CEACAM16: variants seen among roughly 807,000 people sequenced by gnomAD.
CEACAM16 encodes the protein cell adhesion molecule CEACAM16.
CEACAM16 carries 30 observed loss-of-function variants against 39.4 expected under a neutral mutation model. That is an observed-to-expected ratio of 0.76 (90% confidence interval 0.57 to 1.03). CEACAM16 has a LOEUF of 1.03. CEACAM16 is among the 50% of genes least tolerant of loss of function. CEACAM16 has a pLI of 0.00. For synonymous variants in CEACAM16, 262 were observed against 264.9 expected (o/e 0.99, Z 0.11); for missense variants, 521 against 585.3 (o/e 0.89, Z 1.13).
rs375934217 is a variant in CEACAM16 at position 44,705,626 on chromosome 19, C to T, written c.698C>T (p.Thr233Ile). Residue 233 changes from threonine (T) to isoleucine (I), a missense_variant, in exon 5 of 7, where the codon ACC becomes ATC. Thr to Ile is a moderately conservative substitution (Grantham distance 89). Transcript: ENST00000587331. ...PERVAILQDS[T>I]TRTGCTIKVD... is the part of the protein sequence containing the mutation. ...CGTGTGGCCATCCTCCAGGATTCCA[C>T]CACCCGCACAGGCTGCACCATCAAA... 6.2e-7 allele frequency: 1 copy of T among 1,609,568 alleles called. No homozygotes were observed. Among genetic ancestry groups the T allele is most frequent in the East Asian group, 2.2e-5 (1 of 44,776 alleles).
chr19:44,707,667 ACAGACCCCAG>A (rs1974470258), intron 5 of CEACAM16, among the ~76,000 whole-genome samples, 184 bp from the exon 6 acceptor site: 1 of 152,206 alleles, frequency 6.6e-6, no homozygotes, highest in South Asian at 2.1e-4. Flanking sequence ...TAGGGGAAAC[ACAGACCCCAG>A]CAGACACTAC....
Position 44,708,151 on chromosome 19 carries a change from A to G in CEACAM16, c.1231A>G (p.Lys411Glu), listed in dbSNP as rs1974481464. The change falls in exon 6 of 7, where the codon AAG becomes GAG. Residue 411 changes from lysine to glutamate, a missense_variant. Coordinates refer to ENST00000587331, the MANE Select transcript of CEACAM16 (RefSeq NM_001039213.4). Reference sequence around the variant, plus strand: ...ACTCAAGACTGTCACAGTGCAGGGCAAGACTGAGACACTGGAAGTGGAGCT... The same window carrying G: ...ACTCAAGACTGTCACAGTGCAGGGCGAGACTGAGACACTGGAAGTGGAGCT... Reference protein sequence around the residue: ...YTLKTVTVQGKTETLEVELQV... With the variant: ...YTLKTVTVQGETETLEVELQV... 2 of 1,592,270 alleles carry G rather than the reference A, an allele frequency of 1.3e-6. No individual in the cohort carries two copies. The highest frequency in any genetic ancestry group is 1.7e-6 in the Non-Finnish European group (2 of 1,165,244).
chr19:44,699,534 A>C lies in CEACAM16; in HGVS notation c.-97+274A>C, dbSNP rs567472107. ...TGGGATTACAGGTGCCCGCGACCAC[A>C]CCCAGCTAATTTTTGTATTTTTAGT... On this transcript the variant is annotated intron_variant, in intron 1 of 6. Transcript: ENST00000587331. 7.4e-6 allele frequency: 3 copies of C among 407,518 alleles called. No homozygotes were observed. The East Asian group carries it at 2.2e-4, about 29-fold the overall frequency. 25.2% of individuals were successfully genotyped at this position (407,518 alleles called of 1,614,324 possible). A position where few individuals can be genotyped will look rare whatever the true frequency, so the allele number is the denominator to read the frequency against.
chr19:44,707,140 G>C (rs982743394), intron 5 of CEACAM16, among the ~76,000 whole-genome samples: 6 of 152,286 alleles, frequency 3.9e-5, no homozygotes, highest in African/African-American at 1.4e-4. Context: ...TGGTCTCCAG[G>C]AGACATGGCC....
rs892724349 is a variant in CEACAM16 at position 44,701,151 on chromosome 19, G to A, written c.-96-210G>A. ...CCCCTACTTTTCCTCTCTTCTCCTC[G>A]GTGACCTGGTTCCTCTCCCAGTACC... On this transcript the variant is annotated intron_variant, in intron 1 of 6. Transcript: ENST00000587331. This position sits in a 1 kb window ranked among gnomAD's most constrained non-coding sequence, Gnocchi z 4.0. 2.0e-4 allele frequency among the ~76,000 whole-genome samples: 30 copies of A among 152,236 alleles called. No individual in the cohort carries two copies. Among genetic ancestry groups the A allele is most frequent in the African/African-American group, 3.6e-4 (15 of 41,538 alleles).
At position 44,708,173 on chromosome 19, in the gene CEACAM16, A is replaced by T; in HGVS notation, c.1253A>T (p.Glu418Val). The part of the protein sequence containing the change: ...VQGKTETLEV[E>V]LQVAPLG Reference sequence around the variant, plus strand: ...GGCAAGACTGAGACACTGGAAGTGGAGCTGCAGGTGGCCCGTGAGTGTGTG... The same window carrying T: ...GGCAAGACTGAGACACTGGAAGTGGTGCTGCAGGTGGCCCGTGAGTGTGTG... The change falls in exon 6 of 7, where the codon GAG becomes GTG. Residue 418 changes from glutamate to valine, a missense_variant. Glu to Val is a moderately radical substitution (Grantham distance 121). Coordinates refer to ENST00000587331, the MANE Select transcript of CEACAM16 (RefSeq NM_001039213.4). 1.9e-6 allele frequency: 3 copies of T among 1,573,862 alleles called. No individual in the cohort carries two copies. The highest frequency in any genetic ancestry group is 2.6e-6 in the Non-Finnish European group (3 of 1,152,448).
intron 4 of CEACAM16, among the ~76,000 whole-genome samples, chr19:44,705,206 A>G (rs1974422419): frequency 6.6e-6 from 1 of 152,172 alleles, no homozygotes; most frequent in Admixed American, 6.5e-5. Context: ...TTAGAAACAT[A>G]GATTTCTAGA....
chr19:44,699,344 A>G (rs1343514355), intron 1 of CEACAM16, 84 bp downstream of exon 1: 1 of 518,602 alleles, frequency 1.9e-6, no homozygotes, highest in East Asian at 5.5e-5. Context: ...CCTATTTTAC[A>G]AATAAGGAAA....
chr19:44,709,143 T>C (rs923749683), intron 6 of CEACAM16, among the ~76,000 whole-genome samples: 22 of 151,156 alleles, frequency 1.5e-4, no homozygotes, highest in African/African-American at 5.4e-4. Context: ...AGAGACCACG[T>C]CTCCTTCATC....
intron 3 of CEACAM16, 25 bp from the exon 4 acceptor site, chr19:44,703,993 C>T (rs1974396561): frequency 6.4e-7 from 1 of 1,558,188 alleles, no homozygotes; most frequent in Non-Finnish European, 8.7e-7. Flanking sequence ...CCGGCCCCCT[C>T]CCCCTCTGTC....
At chr19:44,703,989 C>G (rs1974396419) in intron 3 of CEACAM16, 29 bp from the exon 4 acceptor site, 5 of 1,553,138 alleles carry the variant, frequency 3.2e-6, no homozygotes, top group Non-Finnish European at 4.4e-6. Context: ...GTGTCCGGCC[C>G]CCTCCCCCTC....
Position 44,701,994 on chromosome 19 carries a change from T to C in CEACAM16, c.37+501T>C, listed in dbSNP as rs992137242. Among the ~76,000 whole-genome samples the C allele has an allele frequency of 6.6e-6, 1 of 152,098 alleles. No homozygotes were observed. The highest frequency in any genetic ancestry group is 1.9e-4 in the East Asian group (1 of 5,176). On this transcript the variant is annotated intron_variant, in intron 2 of 6. Coordinates refer to ENST00000587331, the MANE Select transcript of CEACAM16 (RefSeq NM_001039213.4). This position sits in a 1 kb window ranked among gnomAD's most constrained non-coding sequence, Gnocchi z 4.0. ...GCTGTTCTGAGAGCTTCTCATGGTT[T>C]AAAACCACCTATGAGGGGCCGGGCA...
chr19:44,702,330 G>A (rs183235561), intron 2 of CEACAM16, among the ~76,000 whole-genome samples: 333 of 151,914 alleles, frequency 2.2e-3, no homozygotes, highest in Admixed American at 4.3e-3. Context: ...TATGAGGGAG[G>A]CCCACACATG....
chr19:44,699,436 T>C (rs1450867680), intron 1 of CEACAM16, 176 bp downstream of exon 1: 1 of 468,730 alleles, frequency 2.1e-6, no homozygotes, highest in Admixed American at 2.4e-5. Flanking sequence ...CTATACTTTT[T>C]TTTTTTTGAG....
intron 1 of CEACAM16, among the ~76,000 whole-genome samples, chr19:44,700,284 C>T (rs575451801): frequency 4.6e-5 from 7 of 152,104 alleles, no homozygotes; most frequent in Non-Finnish European, 8.8e-5. Context: ...GGATTACAGG[C>T]GTTAGCCACC....
At position 44,701,404 on chromosome 19, in the gene CEACAM16, C is replaced by G. The variant is rs369725677; in HGVS notation, c.-53C>G. The stretch of plus-strand genomic sequence containing the variant: ...CCGAGCCCCAACCAGGAAGGGAGTC[C>G]GAGCACTGGGACTTCAACGCCACCA... On this transcript the variant is annotated 5_prime_UTR_variant, in exon 2 of 7. Coordinates refer to ENST00000587331, the MANE Select transcript of CEACAM16 (RefSeq NM_001039213.4). The surrounding 1 kb of genome is among the most constrained non-coding windows in gnomAD (Gnocchi z 4.0). The G allele has an allele frequency of 1.3e-6, 2 of 1,548,126 alleles. No individual in the cohort carries two copies. The highest frequency in any genetic ancestry group is 1.4e-5 in the African/African-American group (1 of 73,138).
intron 1 of CEACAM16, among the ~76,000 whole-genome samples, chr19:44,700,334 C>T (rs1044432145): frequency 7.2e-5 from 11 of 151,980 alleles, no homozygotes; most frequent in African/African-American, 1.7e-4. Flanking sequence ...GACGGGGTTT[C>T]GCCATGTTGG....
At chr19:44,708,323 G>A in intron 6 of CEACAM16, 136 bp downstream of exon 6, 1 of 925,122 alleles carries the variant, frequency 1.1e-6, no homozygotes, top group Non-Finnish European at 1.6e-6. Context: ...GAAGGAAGCA[G>A]CCTTGTCTCC....
chr19:44,709,255 A>G, intron 6 of CEACAM16, among the ~76,000 whole-genome samples: 1 of 150,440 alleles, frequency 6.6e-6, no homozygotes, highest in South Asian at 2.1e-4. Context: ...GAACTCCAGG[A>G]GTGAGGGTCC....
Sources: gnomAD v4.1 joint callset for allele counts (sites outside exome capture counted in the v4.1 genomes callset) on GRCh38, gnomAD v4.1.1 for gene constraint, Gnocchi (gnomAD v3.1) non-coding constraint, MANE v1.5 for transcripts, NCBI Gene and HGNC (gene_info 2026-07-23, HGNC 2026-07-21) for gene names.